CFAP46: variants seen among roughly 807,000 people sequenced by gnomAD.
CFAP46 encodes cilia and flagella associated protein 46.
CFAP46 carries 245 observed loss-of-function variants against 325.7 expected under a neutral mutation model. The observed-to-expected ratio is 0.75, with a 90% CI of 0.68 to 0.84. The LOEUF (loss-of-function observed/expected upper bound fraction) is 0.84. CFAP46 is among the 40% of genes least tolerant of loss of function. CFAP46 has a pLI of 0.00. For missense variants in CFAP46, 3,346 were observed against 3,543.0 expected, an observed-to-expected ratio of 0.94 and a Z score of 1.41; for synonymous variants, 1,523 against 1,495.9, an observed-to-expected ratio of 1.02 and a Z score of -0.42.
chr10:132,891,649 G>A (rs1329153086), intron 25 of CFAP46, among the ~76,000 whole-genome samples: 1 of 152,178 alleles, frequency 6.6e-6, no homozygotes, highest in African/African-American at 2.4e-5. Context: ...CTGAGCCAGG[G>A]GAGAATTAAC....
intron 1 of CFAP46, 111 bp downstream of exon 1, chr10:132,942,325 A>G (rs57782196): frequency 0.43 from 427,383 of 992,888 alleles, 104,636 homozygotes; most frequent in African/African-American, 0.65. Context: ...CCCTCGAGGG[A>G]TCACCCATTG....
At chr10:132,909,834 C>A in intron 20 of CFAP46, 85 bp downstream of exon 20, 1 of 1,299,388 alleles carries the variant, frequency 7.7e-7, no homozygotes, top group Non-Finnish European at 9.9e-7. Flanking sequence ...TAAGTGGTCC[C>A]GGGGGCCCCA....
At chr10:132,859,292 C>A in intron 37 of CFAP46, 45 bp from the exon 38 acceptor site, 1 of 1,511,988 alleles carries the variant, frequency 6.6e-7, no homozygotes, top group Non-Finnish European at 8.9e-7. Context: ...AGCCCCAGGG[C>A]CGCGTCAGGG....
chr10:132,809,043 C>A, intron 57 of CFAP46, 139 bp from the exon 58 acceptor site: 1 of 883,530 alleles, frequency 1.1e-6, no homozygotes, highest in African/African-American at 1.7e-5. Context: ...ATTCGCCAGG[C>A]CTCCAGGGCG....
intron 25 of CFAP46, among the ~76,000 whole-genome samples, chr10:132,891,571 C>T (rs562781377): frequency 6.6e-6 from 1 of 152,342 alleles, no homozygotes; most frequent in South Asian, 2.1e-4. Flanking sequence ...GGGGCCCGCA[C>T]AGCTGTCTCT....
chr10:132,851,255 G>T lies in CFAP46; in HGVS notation c.5625C>A (p.Leu1875=). 6.2e-7 allele frequency: 1 copy of T among 1,613,998 alleles called. No homozygotes were observed. The change falls in exon 40 of 58, where the codon CTC becomes CTA. Residue 1875 remains leucine (L), a synonymous_variant. Transcript: ENST00000368586. The part of the protein sequence containing the change: ...PLMRKLARLK[L]GLVEMALDML... ...TGTCCAGAGCCATTTCCACGAGGCC[G>T]AGCTTGAGGCGCGCCAGCTTCCTCA...
chr10:132,829,370 G>A (rs906966019), intron 50 of CFAP46, among the ~76,000 whole-genome samples: 5 of 152,194 alleles, frequency 3.3e-5, no homozygotes, highest in Admixed American at 6.5e-5. Flanking sequence ...TAGTTATATA[G>A]AAATGCAATT....
intron 10 of CFAP46, 125 bp from the exon 11 acceptor site, chr10:132,925,011 G>A (rs943454846): frequency 4.3e-5 from 31 of 713,368 alleles, no homozygotes; most frequent in Non-Finnish European, 5.9e-5. Flanking sequence ...GTGGCGTCAT[G>A]CTCAAATCTG....
intron 24 of CFAP46, among the ~76,000 whole-genome samples, chr10:132,898,325 C>T (rs1376816242): frequency 6.6e-6 from 1 of 152,228 alleles, no homozygotes; most frequent in African/African-American, 2.4e-5. Context: ...GCTTGTCCTG[C>T]CAGTCTGTGC....
In CFAP46 at chr10:132,936,969, C is replaced by T. The variant is rs553122408; in HGVS notation, c.747G>A (p.Met249Ile). The change falls in exon 7 of 58, where the codon ATG (methionine) becomes ATA (isoleucine). Residue 249 changes from methionine to isoleucine, a missense_variant. Met to Ile is a conservative substitution (Grantham distance 10). Transcript: ENST00000368586. ...ISLSVTFYIN[M>I]LKAKAEQNDL... is the part of the protein sequence containing the mutation. ...CTCCCAAAACGACTTACGCCTTTAG[C>T]ATATTAATATAGAAAGTGACTGACA... is the stretch of plus-strand genomic sequence containing the variant. The T allele has an allele frequency of 3.9e-5, 59 of 1,532,362 alleles. No individual in the cohort carries two copies. The highest frequency in any genetic ancestry group is 5.0e-5 in the Non-Finnish European group (57 of 1,129,240). 94.9% of individuals were successfully genotyped at this position (1,532,362 alleles called of 1,614,324 possible).
chr10:132,875,832 A>G (rs182476643), intron 31 of CFAP46, among the ~76,000 whole-genome samples: 113 of 152,324 alleles, frequency 7.4e-4, no homozygotes, highest in Admixed American at 1.1e-3. Context: ...AAAAGGACAC[A>G]CAAAAAACTG....
rs1051905632 is a variant in CFAP46 at position 132,880,891 on chromosome 10, C to T, written c.3769G>A (p.Asp1257Asn). Residue 1257 changes from aspartate (D) to asparagine (N), a missense_variant, in exon 28 of 58, where the codon GAT becomes AAT. Transcript: ENST00000368586. ...GGCGTGGGCTGTGGCTCAGGGACAT[C>T]GCCGGGCGGCTTCATGGCCAGCAGG... Reference protein sequence around the residue: ...EILLAMKPPGDVPEPQPTPDG... With the variant: ...EILLAMKPPGNVPEPQPTPDG... 1.5e-5 allele frequency: 23 copies of T among 1,549,694 alleles called. No individual in the cohort carries two copies. The highest frequency in any genetic ancestry group is 6.8e-5 in the African/African-American group (5 of 73,178).
Position 132,860,812 on chromosome 10 carries a change from C to T in CFAP46, c.5061G>A (p.Leu1687=), listed in dbSNP as rs747328059. 6.4e-7 allele frequency: 1 copy of T among 1,551,132 alleles called. No individual in the cohort carries two copies. Among genetic ancestry groups the T allele is most frequent in the South Asian group, 1.2e-5 (1 of 84,058 alleles). ...NSTLTLAEAL[L]SMEHSGREAT... ...CTTCCCTTCCTGAGTGTTCCATGGA[C>T]AAGAGCGCCTCTGCCAGGGTCAGAG... Residue 1687 remains leucine, a synonymous_variant, in exon 36 of 58, where the codon TTG becomes TTA. Transcript: ENST00000368586.
intron 33 of CFAP46, among the ~76,000 whole-genome samples, chr10:132,867,947 C>T (rs11146556): frequency 0.054 from 8,151 of 152,316 alleles, 307 homozygotes; most frequent in Non-Finnish European, 0.077. Flanking sequence ...GCCCCGGCCA[C>T]GGCCCCCGGC....
At chr10:132,912,604 C>CCT (rs59827475) in intron 19 of CFAP46, 51 bp downstream of exon 19, 18,434 of 1,318,026 alleles carry the variant, frequency 0.014, 84 homozygotes, top group African/African-American at 0.039. Context: ...TCTCCTCTCT[C>CCT]CTCTCTCTCT....
chr10:132,942,244 G>A, intron 1 of CFAP46, 140 bp from the exon 2 acceptor site: 1 of 1,251,236 alleles, frequency 8.0e-7, no homozygotes, highest in African/African-American at 1.5e-5. Context: ...CCGCCAGGGA[G>A]CAGCGGTGTG....
intron 24 of CFAP46, 64 bp downstream of exon 24, chr10:132,898,895 C>A (rs1318324616): frequency 4.6e-6 from 7 of 1,531,180 alleles, no homozygotes; most frequent in South Asian, 1.2e-5. Context: ...TCTCTCCGGT[C>A]CTTTCTGGAA....
At chr10:132,885,567 G>A (rs900167358) in intron 26 of CFAP46, among the ~76,000 whole-genome samples, 6 of 151,846 alleles carry the variant, frequency 4.0e-5, no homozygotes, top group South Asian at 2.1e-4. Flanking sequence ...CCAGGCAGAG[G>A]GGGACAGCGT....
intron 22 of CFAP46, among the ~76,000 whole-genome samples, chr10:132,906,380 C>T (rs2135512186): frequency 6.6e-6 from 1 of 152,404 alleles, no homozygotes; most frequent in South Asian, 2.1e-4. Context: ...AACTTGGCCT[C>T]TGCCTGCCCA....
Sources: allele counts gnomAD v4.1 joint callset (sites outside exome capture counted in the v4.1 genomes callset), GRCh38; gene constraint gnomAD v4.1.1; transcripts MANE v1.5; gene names NCBI Gene and HGNC (gene_info 2026-07-23, HGNC 2026-07-21).